LRRC37A2: variants seen among roughly 807,000 people sequenced by gnomAD.
LRRC37A2 encodes the protein leucine-rich repeat-containing protein 37A2.
A neutral mutation model predicts 68.8 loss-of-function variants in LRRC37A2; 9 were observed. The observed-to-expected ratio is 0.13, with a 90% CI of 0.08 to 0.23. The LOEUF (loss-of-function observed/expected upper bound fraction) is 0.23. LRRC37A2 is among the 10% of genes least tolerant of loss of function. The pLI is 1.00. For synonymous variants in LRRC37A2, 63 were observed against 367.6 expected (o/e 0.17, Z 9.48); for missense variants, 168 against 950.4 (o/e 0.18, Z 10.82).
At chr17:46,889,887 G>A in the LRRC37A2 span, among the ~76,000 whole-genome samples, 1 of 152,194 alleles carries the variant, frequency 6.6e-6, no homozygotes, top group Admixed American at 6.5e-5. Context: ...TCTGTAAAAT[G>A]AGGATCGAGA....
the LRRC37A2 span, among the ~76,000 whole-genome samples, chr17:46,907,749 G>C: frequency 2.0e-5 from 3 of 148,874 alleles, no homozygotes; most frequent in South Asian, 2.1e-4. Flanking sequence ...CTACTCAGCG[G>C]GGGGGGTGAG....
At chr17:46,809,482 G>C in the LRRC37A2 span, among the ~76,000 whole-genome samples, 1 of 152,122 alleles carries the variant, frequency 6.6e-6, no homozygotes, top group Admixed American at 6.5e-5. Flanking sequence ...CAACACACAC[G>C]TACACACACT....
the LRRC37A2 span, among the ~76,000 whole-genome samples, chr17:46,957,912 G>A: frequency 2.2e-4 from 34 of 152,196 alleles, no homozygotes; most frequent in Non-Finnish European, 4.1e-4. Context: ...GCTGCAGCAG[G>A]GATCAGTGTG....
At chr17:46,975,178 C>T in the LRRC37A2 span, 1 of 152,044 alleles carries the variant, frequency 6.6e-6, no homozygotes, top group East Asian at 1.9e-4. Context: ...CTATGGGTCC[C>T]CTATCGCTCC....
chr17:46,474,073 G>A, the LRRC37A2 span, among the ~76,000 whole-genome samples: 1 of 105,240 alleles, frequency 9.5e-6, no homozygotes, highest in Non-Finnish European at 2.1e-5. Flanking sequence ...TTTTTGAGAC[G>A]GAGTCTCACT....
chr17:46,970,690 G>A, the LRRC37A2 span, among the ~76,000 whole-genome samples: 3 of 152,180 alleles, frequency 2.0e-5, no homozygotes, highest in South Asian at 2.1e-4. Context: ...TCACGTGGAC[G>A]GGGGCTCAGA....
chr17:46,853,390 AAGACGG>A, the LRRC37A2 span, among the ~76,000 whole-genome samples: 4 of 34,738 alleles, frequency 1.2e-4, no homozygotes, highest in Non-Finnish European at 1.9e-4. Context: ...TTTTTTTTTT[AAGACGG>A]AGTCTCCCTC....
chr17:46,940,141 C>T, the LRRC37A2 span: 1 of 1,288,668 alleles, frequency 7.8e-7, no homozygotes, highest in African/African-American at 1.5e-5. Flanking sequence ...CTCCCCGCTG[C>T]TCTGTAGTCA....
chr17:46,867,878 G>A, the LRRC37A2 span, among the ~76,000 whole-genome samples: 63 of 152,250 alleles, frequency 4.1e-4, no homozygotes, highest in Non-Finnish European at 6.9e-4. Flanking sequence ...CCAAGCCAGA[G>A]GTCATCGCAT....
At chr17:46,921,260 G>C in the LRRC37A2 span, 169 of 152,282 alleles carry the variant, frequency 1.1e-3, no homozygotes, top group African/African-American at 4.0e-3. Flanking sequence ...AAATGGTGCT[G>C]GGAAAACTAG....
the LRRC37A2 span, among the ~76,000 whole-genome samples, chr17:46,788,919 CCA>C: frequency 6.6e-6 from 1 of 151,974 alleles, no homozygotes; most frequent in Non-Finnish European, 1.5e-5. Flanking sequence ...GCTGCTAGCT[CCA>C]CAGTTTGGGA....
chr17:46,772,537 C>G, the LRRC37A2 span, among the ~76,000 whole-genome samples: 2 of 152,260 alleles, frequency 1.3e-5, no homozygotes, highest in African/African-American at 4.8e-5. Context: ...GTTTGAAATG[C>G]AAACCGCCGC....
chr17:46,712,185 A>G, the LRRC37A2 span, among the ~76,000 whole-genome samples: 2 of 146,548 alleles, frequency 1.4e-5, no homozygotes, highest in African/African-American at 5.1e-5. Context: ...GTAGATGGAG[A>G]TAAGTAGACT....
chr17:46,392,441 CTT>C, the LRRC37A2 span, among the ~76,000 whole-genome samples: 1 of 61,220 alleles, frequency 1.6e-5, no homozygotes, highest in Admixed American at 1.5e-4. Context: ...CTCTTTCTTT[CTT>C]TCTTTCTTTC....
chr17:46,845,258 G>C, the LRRC37A2 span, among the ~76,000 whole-genome samples: 28 of 152,228 alleles, frequency 1.8e-4, no homozygotes, highest in African/African-American at 6.5e-4. Flanking sequence ...GCCCATAGGG[G>C]ACTTCACGGT....
chr17:46,931,343 C>T, the LRRC37A2 span: 19 of 686,070 alleles, frequency 2.8e-5, no homozygotes, highest in East Asian at 2.2e-4. Flanking sequence ...GAAAAAGCCC[C>T]CTCAAAGGGC....
chr17:46,943,292 CCT>C, the LRRC37A2 span, among the ~76,000 whole-genome samples: 4 of 152,192 alleles, frequency 2.6e-5, no homozygotes, highest in Non-Finnish European at 5.9e-5. Flanking sequence ...TTAACTGACA[CCT>C]CTCTGCTGAG....
the LRRC37A2 span, among the ~76,000 whole-genome samples, chr17:47,015,302 C>A: frequency 6.6e-6 from 1 of 152,168 alleles, no homozygotes; most frequent in African/African-American, 2.4e-5. Flanking sequence ...GCCACTGCGC[C>A]CAGGCCCCAT....
At chr17:46,709,486 G>A in the LRRC37A2 span, among the ~76,000 whole-genome samples, 1 of 151,620 alleles carries the variant, frequency 6.6e-6, no homozygotes, top group South Asian at 2.1e-4. Flanking sequence ...ACAAAAGCCA[G>A]CCTATAATTT....
Sources: allele counts gnomAD v4.1 joint callset (sites outside exome capture counted in the v4.1 genomes callset), GRCh38; gene constraint gnomAD v4.1.1; transcripts MANE v1.5; gene names NCBI Gene and HGNC (gene_info 2026-07-23, HGNC 2026-07-21).